Variants in ALOX5 observed in about 807,000 individuals in gnomAD.
ALOX5 encodes polyunsaturated fatty acid 5-lipoxygenase.
A neutral mutation model predicts 87.9 loss-of-function variants in ALOX5; 64 were observed. That is an observed-to-expected ratio of 0.73 (90% confidence interval 0.60 to 0.90). The LOEUF is 0.90. Ranked by LOEUF, ALOX5 falls within the 40% of genes least tolerant of loss-of-function variation. ALOX5 has a pLI of 0.00. For synonymous variants in ALOX5, 388 were observed against 355.1 expected, an observed-to-expected ratio of 1.09 and a Z score of -1.04; for missense variants, 822 against 907.5, an observed-to-expected ratio of 0.91 and a Z score of 1.21.
chr10:45,433,940 A>G (rs1841988299), intron 7 of ALOX5, among the ~76,000 whole-genome samples: 1 of 152,178 alleles, frequency 6.6e-6, no homozygotes, highest in East Asian at 1.9e-4. Flanking sequence ...TCAGAGACAC[A>G]TGTTCAGGGG....
intron 2 of ALOX5, among the ~76,000 whole-genome samples, chr10:45,394,813 C>T (rs1281839204): frequency 6.6e-6 from 1 of 152,198 alleles, no homozygotes; most frequent in African/African-American, 2.4e-5. Context: ...ACAGACACTT[C>T]TCAAAAGAAG....
intron 3 of ALOX5, among the ~76,000 whole-genome samples, chr10:45,400,693 G>A (rs1840667857): frequency 6.6e-6 from 1 of 152,172 alleles, no homozygotes; most frequent in South Asian, 2.1e-4. Flanking sequence ...CTCACTTACG[G>A]AAGACCCCAT....
chr10:45,440,820 A>G (rs1236856147), intron 8 of ALOX5, among the ~76,000 whole-genome samples, 187 bp downstream of exon 8: 3 of 152,224 alleles, frequency 2.0e-5, no homozygotes, highest in Non-Finnish European at 4.4e-5. Context: ...GCTGTTCCCC[A>G]GGACACGCGG....
intron 1 of ALOX5, among the ~76,000 whole-genome samples, chr10:45,379,335 C>T (rs1839746851): frequency 6.6e-6 from 1 of 152,172 alleles, no homozygotes; most frequent in Non-Finnish European, 1.5e-5. Flanking sequence ...CCTGCAGCAG[C>T]CACACTCAGA....
chr10:45,440,281 G>T, intron 7 of ALOX5, 149 bp from the exon 8 acceptor site: 1 of 770,690 alleles, frequency 1.3e-6, no homozygotes. Flanking sequence ...CCACCGCAGG[G>T]CCCTTTACCC....
intron 5 of ALOX5, 103 bp from the exon 6 acceptor site, chr10:45,424,857 G>A (rs1354083833): frequency 1.1e-5 from 15 of 1,428,126 alleles, no homozygotes; most frequent in Non-Finnish European, 1.3e-5. Context: ...ACTCGGGAGA[G>A]GAGACCAAGC....
chr10:45,443,324 G>C (rs894735671), intron 10 of ALOX5, 92 bp from the exon 11 acceptor site: 1 of 1,584,380 alleles, frequency 6.3e-7, no homozygotes, highest in African/African-American at 1.3e-5. Flanking sequence ...GGACGGGGTG[G>C]GGGAGTCCCA....
At chr10:45,438,443 GC>G (rs1842124452) in intron 7 of ALOX5, among the ~76,000 whole-genome samples, 1 of 152,226 alleles carries the variant, frequency 6.6e-6, no homozygotes, top group Non-Finnish European at 1.5e-5. Context: ...CATGGGTAAA[GC>G]CCCTAGCACA....
intron 7 of ALOX5, among the ~76,000 whole-genome samples, chr10:45,440,078 G>C (rs1002713738): frequency 6.6e-6 from 1 of 152,140 alleles, no homozygotes. Context: ...GAGGGAAGAG[G>C]GGGACAGCGA....
chr10:45,436,662 A>C (rs758291389), intron 7 of ALOX5, among the ~76,000 whole-genome samples: 39 of 152,070 alleles, frequency 2.6e-4, no homozygotes, highest in Non-Finnish European at 1.0e-4. Flanking sequence ...GTAGTCTTGT[A>C]GTATAGTTTG....
chr10:45,374,433 A>G lies in ALOX5; in HGVS notation c.150+4A>G. 6.5e-7 allele frequency: 1 copy of G among 1,545,082 alleles called. No individual in the cohort carries two copies. Among genetic ancestry groups the G allele is most frequent in the South Asian group, 1.2e-5 (1 of 82,550 alleles). On this transcript the variant is annotated splice_donor_region_variant and intron_variant, in intron 1 of 13. Coordinates refer to ENST00000374391, the MANE Select transcript of ALOX5 (RefSeq NM_000698.5). ...CAACGACTTCGAGCGTGGCGCGGTG[A>G]GCGCGGGCGGGGCACGGGTGGAGCG...
At chr10:45,441,226 C>T (rs1254805867) in intron 8 of ALOX5, 118 bp from the exon 9 acceptor site, 13 of 830,806 alleles carry the variant, frequency 1.6e-5, no homozygotes, top group Non-Finnish European at 2.4e-5. Flanking sequence ...GCCTTCACTT[C>T]CTCCCTGCGC....
At position 45,381,335 on chromosome 10, in the gene ALOX5, G is replaced by A. The variant is rs569774178; in HGVS notation, c.151-1148G>A. Reference sequence around the variant, plus strand: ...AACTGCAAATGTCCCAGGACGACTCGAATCCATGCAAGCTCCCTGTATCTA... The same window carrying A: ...AACTGCAAATGTCCCAGGACGACTCAAATCCATGCAAGCTCCCTGTATCTA... On this transcript the variant is annotated intron_variant, in intron 1 of 13. Coordinates refer to ENST00000374391, the MANE Select transcript of ALOX5 (RefSeq NM_000698.5). 9.7e-4 allele frequency among the ~76,000 whole-genome samples: 148 copies of A among 152,332 alleles called. 4 individuals are homozygous for A. The South Asian group carries it at 0.017, about 17-fold the overall frequency.
chr10:45,393,723 A>G (rs529093316), intron 2 of ALOX5, among the ~76,000 whole-genome samples: 7 of 152,320 alleles, frequency 4.6e-5, no homozygotes, highest in African/African-American at 1.7e-4. Context: ...TCAGCCCAAA[A>G]TCTCCTTAAA....
chr10:45,383,293 G>A (rs1029885793), intron 2 of ALOX5, among the ~76,000 whole-genome samples: 1 of 152,236 alleles, frequency 6.6e-6, no homozygotes, highest in South Asian at 2.1e-4. Context: ...GCAGACCCCA[G>A]TTAGGAGGCC....
intron 3 of ALOX5, among the ~76,000 whole-genome samples, chr10:45,408,241 C>T (rs1342135012): frequency 6.6e-6 from 1 of 152,180 alleles, no homozygotes; most frequent in Non-Finnish European, 1.5e-5. Context: ...GATGCAGCCC[C>T]AGGAGATCCT....
chr10:45,383,070 C>T lies in ALOX5; in HGVS notation c.349+389C>T, dbSNP rs561499662. On this transcript the variant is annotated intron_variant, in intron 2 of 13. Transcript: ENST00000374391. ...ACTTTCTAGTTCATAGCCTGCCCTCCGTGAGATCACAGTAGGGCTCAGGCA... is the reference window on the plus strand; with the variant it reads ...ACTTTCTAGTTCATAGCCTGCCCTCTGTGAGATCACAGTAGGGCTCAGGCA... 2.6e-5 allele frequency among the ~76,000 whole-genome samples: 4 copies of T among 152,350 alleles called. No individual in the cohort carries two copies. The East Asian group carries it at 5.8e-4, about 22-fold the overall frequency.
At chr10:45,374,698 C>G (rs1434933919) in intron 1 of ALOX5, among the ~76,000 whole-genome samples, 1 of 152,232 alleles carries the variant, frequency 6.6e-6, no homozygotes, top group Non-Finnish European at 1.5e-5. Flanking sequence ...CCGCGTGCCG[C>G]CTGCAAGGCG....
At chr10:45,411,511 G>C (rs1022380084) in intron 3 of ALOX5, among the ~76,000 whole-genome samples, 2 of 152,200 alleles carry the variant, frequency 1.3e-5, no homozygotes, top group Admixed American at 1.3e-4. Flanking sequence ...CAATGCCACG[G>C]GATACGTTTC....
Sources: gnomAD v4.1 joint callset for allele counts (sites outside exome capture counted in the v4.1 genomes callset) on GRCh38, gnomAD v4.1.1 for gene constraint, MANE v1.5 for transcripts, NCBI Gene and HGNC (gene_info 2026-07-23, HGNC 2026-07-21) for gene names.